HEG1: variants seen among roughly 807,000 people sequenced by gnomAD.
HEG1 encodes the protein protein HEG homolog 1.
A neutral mutation model predicts 125.6 loss-of-function variants in HEG1; 56 were observed. The ratio of observed to expected loss-of-function variants is 0.45; its 90% CI spans 0.36 to 0.56. HEG1 has a LOEUF of 0.56. Ranked by LOEUF, HEG1 falls within the 20% of genes least tolerant of loss-of-function variation. The pLI is 0.00. For missense variants in HEG1, 1,523 were observed against 1,670.0 expected (o/e 0.91, Z 1.53); for synonymous variants, 644 against 668.5 (o/e 0.96, Z 0.57).
At chr3:125,048,226 T>C (rs187040549) in intron 1 of HEG1, among the ~76,000 whole-genome samples, 132 of 152,370 alleles carry the variant, frequency 8.7e-4, no homozygotes, top group African/African-American at 2.9e-3. Flanking sequence ...AAACTGTCCA[T>C]TTTTAATAGC....
intron 12 of HEG1, among the ~76,000 whole-genome samples, chr3:124,993,539 G>A (rs1015042216): frequency 1.8e-4 from 28 of 152,174 alleles, no homozygotes. Flanking sequence ...GCAGCAGGAC[G>A]TGGGAGTGGG....
chr3:124,990,694 GA>G, intron 14 of HEG1, 92 bp downstream of exon 14: 1 of 1,213,362 alleles, frequency 8.2e-7, no homozygotes, highest in Non-Finnish European at 1.2e-6. Context: ...CAGCAGGTGT[GA>G]ACTGAGGGAA....
At chr3:125,001,732 T>C (rs1560021577) in intron 11 of HEG1, 120 bp downstream of exon 11, 1 of 1,068,058 alleles carries the variant, frequency 9.4e-7, no homozygotes, top group East Asian at 2.6e-5. Flanking sequence ...TTAACACCCA[T>C]GCCAAAAATA....
chr3:125,001,647 C>T (rs1328282517), intron 11 of HEG1, among the ~76,000 whole-genome samples: 1 of 152,150 alleles, frequency 6.6e-6, no homozygotes, highest in Non-Finnish European at 1.5e-5. Context: ...GTGTACAGGA[C>T]TCTGGGTGTG....
At chr3:124,971,038 C>T in intron 16 of HEG1, 1 of 606,784 alleles carries the variant, frequency 1.6e-6, no homozygotes, top group Non-Finnish European at 3.0e-6. Context: ...AACGGAGGAA[C>T]TGACCTTTAT....
chr3:124,974,364 G>C (rs890576636), intron 15 of HEG1, among the ~76,000 whole-genome samples: 3 of 152,130 alleles, frequency 2.0e-5, no homozygotes, highest in Non-Finnish European at 4.4e-5. Context: ...CAGATTGACT[G>C]AATCAGGAGC....
intron 6 of HEG1, among the ~76,000 whole-genome samples, chr3:125,011,819 T>C (rs1937160481): frequency 6.6e-6 from 1 of 152,228 alleles, no homozygotes; most frequent in African/African-American, 2.4e-5. Context: ...TTCCCATGTC[T>C]GGACAAGCCA....
chr3:125,036,727 G>T (rs905630831), intron 1 of HEG1, among the ~76,000 whole-genome samples: 2 of 152,146 alleles, frequency 1.3e-5, no homozygotes, highest in Non-Finnish European at 2.9e-5. Context: ...TGAAAAGCAT[G>T]GAAATACAAA....
chr3:125,027,546 A>C, intron 2 of HEG1, 39 bp from the exon 3 acceptor site: 2 of 1,526,862 alleles, frequency 1.3e-6, no homozygotes, highest in Non-Finnish European at 1.8e-6. Flanking sequence ...CCACCAGCAG[A>C]CTTCAAAATG....
At chr3:125,015,522 G>C (rs1261293662) in intron 5 of HEG1, among the ~76,000 whole-genome samples, 1 of 152,190 alleles carries the variant, frequency 6.6e-6, no homozygotes, top group Non-Finnish European at 1.5e-5. Flanking sequence ...TGAGGTGGGG[G>C]GTGAAAGGTG....
At chr3:125,054,570 C>A (rs1937887831) in intron 1 of HEG1, among the ~76,000 whole-genome samples, 1 of 152,202 alleles carries the variant, frequency 6.6e-6, no homozygotes, top group South Asian at 2.1e-4. Context: ...AGGGAAACTC[C>A]AAATCAATGT....
At chr3:124,984,714 G>A (rs957438946) in intron 14 of HEG1, among the ~76,000 whole-genome samples, 3 of 151,980 alleles carry the variant, frequency 2.0e-5, no homozygotes, top group Non-Finnish European at 4.4e-5. Flanking sequence ...AGCCAAGATC[G>A]CACTACTGCA....
intron 1 of HEG1, among the ~76,000 whole-genome samples, chr3:125,055,119 C>T (rs1394099046): frequency 6.6e-6 from 1 of 152,120 alleles, no homozygotes; most frequent in Admixed American, 6.5e-5. Context: ...ATCCTTTGTC[C>T]TTTACAATAT....
At chr3:125,023,513 T>C (rs944791247) in intron 3 of HEG1, among the ~76,000 whole-genome samples, 2 of 152,208 alleles carry the variant, frequency 1.3e-5, no homozygotes, top group Non-Finnish European at 2.9e-5. Flanking sequence ...GTACATTGTA[T>C]ACAAATCTCA....
chr3:125,051,823 C>T (rs562453196), intron 1 of HEG1, among the ~76,000 whole-genome samples: 2 of 152,308 alleles, frequency 1.3e-5, no homozygotes, highest in African/African-American at 4.8e-5. Flanking sequence ...TTCTGAGTGT[C>T]TCTGGACAAG....
At chr3:125,046,557 C>T (rs373147018) in intron 1 of HEG1, among the ~76,000 whole-genome samples, 1 of 152,062 alleles carries the variant, frequency 6.6e-6, no homozygotes, top group East Asian at 1.9e-4. Flanking sequence ...AAGTGTGAGC[C>T]ACTGTGCCCG....
chr3:125,007,858 T>G (rs568544236), intron 8 of HEG1, among the ~76,000 whole-genome samples: 2 of 152,300 alleles, frequency 1.3e-5, no homozygotes, highest in East Asian at 3.9e-4. Context: ...AATATCTTAG[T>G]GCGTGGCTAA....
chr3:124,987,016 C>T (rs1202729161), intron 14 of HEG1, among the ~76,000 whole-genome samples: 3 of 152,138 alleles, frequency 2.0e-5, no homozygotes, highest in East Asian at 1.9e-4. Context: ...CTCTTCCATT[C>T]GCTGAGAAAC....
At chr3:125,051,885 G>GA (rs1449659290) in intron 1 of HEG1, among the ~76,000 whole-genome samples, 2 of 152,160 alleles carry the variant, frequency 1.3e-5, no homozygotes, top group Non-Finnish European at 2.9e-5. Flanking sequence ...GGGGCTGCTG[G>GA]AAGGCAGGAG....
Sources: allele counts gnomAD v4.1 joint callset (sites outside exome capture counted in the v4.1 genomes callset), GRCh38; gene constraint gnomAD v4.1.1; transcripts MANE v1.5; gene names NCBI Gene and HGNC (gene_info 2026-07-23, HGNC 2026-07-21).